Variants in PPP2R2C observed in about 807,000 individuals in gnomAD.
The protein encoded by PPP2R2C is protein phosphatase 2, regulatory subunit B, gamma.
PPP2R2C carries 10 observed loss-of-function variants against 45.3 expected under a neutral mutation model. The observed-to-expected ratio is 0.22, with a 90% confidence interval of 0.14 to 0.37. The LOEUF is 0.37. PPP2R2C is among the 10% of genes least tolerant of loss of function. The probability of loss-of-function intolerance (pLI) is 1.00; values close to 1 mark genes in which losing one functional copy is unlikely to be tolerated. For synonymous variants in PPP2R2C, 257 were observed against 245.4 expected (o/e 1.05, Z -0.44); for missense variants, 308 against 619.7 (o/e 0.50, Z 5.34).
In PPP2R2C at chr4:6,323,314, A is replaced by G. The variant is rs758377483; in HGVS notation, c.1332T>C (p.Ser444=). ...NLYIFQDKVN[S]DMH is the part of the protein sequence containing the mutation. ...GAACTGCACATACCTAGTGCATGTCAGAGTTTACCTTGTCCTGGAAGATGT... is the reference window on the plus strand; with the variant it reads ...GAACTGCACATACCTAGTGCATGTCGGAGTTTACCTTGTCCTGGAAGATGT... Residue 444 remains serine (S), a synonymous_variant, in exon 9 of 9, where the codon TCT becomes TCC. Transcript: ENST00000382599. 9 of 1,601,656 alleles carry G rather than the reference A, an allele frequency of 5.6e-6. No individual in the cohort carries two copies. Among genetic ancestry groups the G allele is most frequent in the Non-Finnish European group, 7.7e-6 (9 of 1,169,896 alleles).
At chr4:6,534,059 T>TCA (rs1724497475) in intron 2 of PPP2R2C, among the ~76,000 whole-genome samples, 1 of 136,250 alleles carries the variant, frequency 7.3e-6, no homozygotes, top group Non-Finnish European at 1.6e-5. Flanking sequence ...AACACACATA[T>TCA]CAACACACAC....
chr4:6,409,829 GC>G (rs1718041326), intron 1 of PPP2R2C, among the ~76,000 whole-genome samples: 1 of 152,180 alleles, frequency 6.6e-6, no homozygotes, highest in Non-Finnish European at 1.5e-5. Context: ...AACATGCGGT[GC>G]CCTTTTATCC....
intron 5 of PPP2R2C, among the ~76,000 whole-genome samples, chr4:6,363,236 C>T (rs1373160804): frequency 6.6e-6 from 1 of 152,170 alleles, no homozygotes; most frequent in African/African-American, 2.4e-5. Context: ...ACCCTCTCTT[C>T]TGGGGAGGGG....
At chr4:6,334,988 C>T (rs140429047) in intron 6 of PPP2R2C, among the ~76,000 whole-genome samples, 3 of 152,340 alleles carry the variant, frequency 2.0e-5, no homozygotes, top group East Asian at 1.9e-4. Flanking sequence ...AAGGTGGACA[C>T]TGTACCTGGC....
At chr4:6,434,359 C>CCT (rs1719781172) in intron 1 of PPP2R2C, among the ~76,000 whole-genome samples, 1 of 116,140 alleles carries the variant, frequency 8.6e-6, no homozygotes, top group Admixed American at 1.0e-4. Flanking sequence ...TTTTTCTTTT[C>CCT]TTTTTTTTTT....
intron 2 of PPP2R2C, among the ~76,000 whole-genome samples, chr4:6,496,890 T>TAAAC (rs1450605566): frequency 2.6e-5 from 4 of 151,312 alleles, no homozygotes; most frequent in Admixed American, 2.6e-4. Context: ...AATAAATAAA[T>TAAAC]AAATAAATAA....
chr4:6,392,338 T>C (rs976809126), intron 1 of PPP2R2C, among the ~76,000 whole-genome samples: 1 of 150,078 alleles, frequency 6.7e-6, no homozygotes, highest in Non-Finnish European at 1.5e-5. Context: ...CACTCTCGAA[T>C]GGGAGAGACA....
chr4:6,518,922 T>TTAAAAAAAAAAAAAAAA (rs1354788203), intron 2 of PPP2R2C, among the ~76,000 whole-genome samples: 1 of 92,902 alleles, frequency 1.1e-5, no homozygotes, highest in African/African-American at 6.2e-5. Context: ...GACTCTGTCT[T>TTAAAAAAAAAAAAAAAA]AAAAAAAAAA....
rs564039651 is a variant in PPP2R2C at position 6,391,226 on chromosome 4, A to C, written c.71-10132T>G. On this transcript the variant is annotated intron_variant, in intron 1 of 8. Coordinates refer to ENST00000382599, the MANE Select transcript of PPP2R2C (RefSeq NM_020416.4). ...TGGCAGGAGCCTGGGTCCCACCCCC[A>C]CACACACCTTGGAAACAATCCCTGT... Among the ~76,000 whole-genome samples, 10 of 152,192 alleles carry C rather than the reference A, an allele frequency of 6.6e-5. No individual in the cohort carries two copies. In the South Asian group the frequency reaches 2.1e-3, roughly 32 times the overall value.
chr4:6,536,306 T>C (rs1724612214), intron 1 of PPP2R2C, among the ~76,000 whole-genome samples: 1 of 152,210 alleles, frequency 6.6e-6, no homozygotes, highest in African/African-American at 2.4e-5. Flanking sequence ...ACAACTAGCA[T>C]GCACAGTGCA....
At chr4:6,374,275 G>T (rs971686604) in intron 4 of PPP2R2C, among the ~76,000 whole-genome samples, 4 of 152,068 alleles carry the variant, frequency 2.6e-5, no homozygotes, top group Non-Finnish European at 5.9e-5. Context: ...TTCTCCAGGC[G>T]GCCTTGGGAC....
intron 2 of PPP2R2C, among the ~76,000 whole-genome samples, chr4:6,479,311 G>T (rs543696970): frequency 3.9e-5 from 6 of 152,284 alleles, no homozygotes; most frequent in African/African-American, 1.4e-4. Flanking sequence ...CTTCCAGGTG[G>T]CTCTCTTGGC....
At chr4:6,510,980 C>CAAAAAAAAAAA (rs752037080) in intron 2 of PPP2R2C, among the ~76,000 whole-genome samples, 43 of 41,338 alleles carry the variant, frequency 1.0e-3, no homozygotes, top group East Asian at 3.7e-3. Context: ...CCGTCTCAAA[C>CAAAAAAAAAAA]AAAAAAAAAC....
chr4:6,544,667 T>C (rs915196259), intron 1 of PPP2R2C, among the ~76,000 whole-genome samples: 1 of 152,220 alleles, frequency 6.6e-6, no homozygotes, highest in Non-Finnish European at 1.5e-5. Flanking sequence ...TATGTGATTA[T>C]TTGCACAAAG....
chr4:6,511,142 T>C (rs535406462), intron 2 of PPP2R2C, among the ~76,000 whole-genome samples: 40 of 152,370 alleles, frequency 2.6e-4, no homozygotes, highest in African/African-American at 8.2e-4. Context: ...AATCGCCCAT[T>C]GCATGCGGTT....
chr4:6,465,231 G>A (rs1721532902), intron 1 of PPP2R2C, among the ~76,000 whole-genome samples: 1 of 152,096 alleles, frequency 6.6e-6, no homozygotes, highest in African/African-American at 2.4e-5. Flanking sequence ...CCTTGGTCCT[G>A]CGGGGAGAGG....
chr4:6,327,360 G>A (rs933218554), intron 8 of PPP2R2C, among the ~76,000 whole-genome samples: 6 of 152,296 alleles, frequency 3.9e-5, no homozygotes, highest in Admixed American at 2.0e-4. Context: ...GTGGGAGGCA[G>A]GACAGGAGAG....
chr4:6,389,763 C>A (rs4580720), intron 1 of PPP2R2C, among the ~76,000 whole-genome samples: 1 of 152,032 alleles, frequency 6.6e-6, no homozygotes, highest in Non-Finnish European at 1.5e-5. Flanking sequence ...CCAAGATGTT[C>A]TTGTGTGCTG....
intron 5 of PPP2R2C, among the ~76,000 whole-genome samples, chr4:6,361,845 C>T (rs1012581506): frequency 2.6e-5 from 4 of 152,200 alleles, no homozygotes; most frequent in Non-Finnish European, 4.4e-5. Flanking sequence ...GGGCTCCCAG[C>T]CTGGCAGGGA....
Sources: gnomAD v4.1 joint callset for allele counts (sites outside exome capture counted in the v4.1 genomes callset) on GRCh38, gnomAD v4.1.1 for gene constraint, MANE v1.5 for transcripts, NCBI Gene and HGNC (gene_info 2026-07-23, HGNC 2026-07-21) for gene names.